The following EVI5L variants were observed in gnomAD, a reference collection of about 807,000 sequenced individuals.
EVI5L encodes EVI5-like protein.
Under a neutral mutation model 106.1 loss-of-function variants are expected in EVI5L, and 30 were observed. The ratio of observed to expected loss-of-function variants is 0.28; its 90% CI spans 0.21 to 0.38. The LOEUF is 0.38. Among genes scored for constraint, EVI5L ranks in the 10% least tolerant of loss-of-function variants. The probability of loss-of-function intolerance (pLI) is 1.00; values close to 1 mark genes in which losing one functional copy is unlikely to be tolerated. For synonymous variants in EVI5L, 489 were observed against 483.3 expected (o/e 1.01, Z -0.15); for missense variants, 809 against 1,098.0 (o/e 0.74, Z 3.72).
intron 17 of EVI5L, 70 bp downstream of exon 17, chr19:7,862,604 C>G: frequency 7.8e-7 from 1 of 1,276,708 alleles, no homozygotes; most frequent in Non-Finnish European, 1.0e-6. Flanking sequence ...GAGGCCCCGC[C>G]CCCAATCCGC....
At position 7,857,818 on chromosome 19, in the gene EVI5L, A is replaced by C; in HGVS notation, c.1234-373A>C. The C allele has an allele frequency of 8.5e-6, 2 of 234,440 alleles. No homozygotes were observed. Among genetic ancestry groups the C allele is most frequent in the Non-Finnish European group, 8.4e-6 (1 of 118,600 alleles). 14.5% of individuals were successfully genotyped at this position (234,440 alleles called of 1,614,324 possible). ...CCCAGCCCTCTCCTGCCGGGGCCTC[A>C]GCTGTCCCCAGATCCTCACCCTCAC... On this transcript the variant is annotated intron_variant, in intron 12 of 19. Transcript: ENST00000538904. The surrounding 1 kb of genome is among the most constrained non-coding windows in gnomAD (Gnocchi z 4.5).
chr19:7,839,652 G>A (rs969659989), intron 1 of EVI5L, among the ~76,000 whole-genome samples: 5 of 152,130 alleles, frequency 3.3e-5, no homozygotes, highest in East Asian at 1.9e-4. Flanking sequence ...GGTGGGGCAC[G>A]GTGGCTCACA....
intron 2 of EVI5L, among the ~76,000 whole-genome samples, chr19:7,847,206 C>T (rs1459359301): frequency 6.6e-6 from 1 of 152,010 alleles, no homozygotes; most frequent in African/African-American, 2.4e-5. Context: ...GCAGGAGAAT[C>T]ACTTGAACCC....
At chr19:7,852,639 C>T (rs1320956346) in intron 8 of EVI5L, among the ~76,000 whole-genome samples, 1 of 152,050 alleles carries the variant, frequency 6.6e-6, no homozygotes, top group Admixed American at 6.6e-5. Flanking sequence ...GCAGCCTCCA[C>T]CTCCTGGGCT....
At chr19:7,851,807 C>T (rs11260037) in intron 8 of EVI5L, 37 bp downstream of exon 8, 140,965 of 1,467,026 alleles carry the variant, frequency 0.096, 9,563 homozygotes, top group South Asian at 0.28. Context: ...GGGCTGCCCC[C>T]AATCAGGGGC....
chr19:7,838,095 G>T lies in EVI5L; in HGVS notation c.-48+7714G>T, dbSNP rs531333322. Among the ~76,000 whole-genome samples the T allele has an allele frequency of 6.9e-4, 103 of 149,280 alleles. 1 individual carries two copies. The highest frequency in any genetic ancestry group is 5.4e-4 in the Admixed American group (8 of 14,906). Reference sequence around the variant, plus strand: ...GGTGTGTTTATTTTTTTTTTGGTTGGTTTTTTTTTGTTTTGTTTTGTTTTG... The same window carrying T: ...GGTGTGTTTATTTTTTTTTTGGTTGTTTTTTTTTTGTTTTGTTTTGTTTTG... On this transcript the variant is annotated intron_variant, in intron 1 of 19. Transcript: ENST00000538904.
intron 15 of EVI5L, 42 bp from the exon 16 acceptor site, chr19:7,862,080 T>G (rs1310253465): frequency 6.5e-7 from 1 of 1,547,004 alleles, no homozygotes. Flanking sequence ...TCGGGGTTCT[T>G]GGGCGGAGGC....
intron 17 of EVI5L, 105 bp from the exon 18 acceptor site, chr19:7,862,867 C>T: frequency 1.3e-6 from 1 of 760,710 alleles, no homozygotes; most frequent in Admixed American, 3.0e-5. Context: ...TGACCCGCCT[C>T]CGCCCGCGGC....
intron 1 of EVI5L, among the ~76,000 whole-genome samples, chr19:7,840,040 T>G (rs1374365324): frequency 3.3e-5 from 5 of 152,090 alleles, no homozygotes; most frequent in African/African-American, 1.2e-4. Context: ...CACCCAGGCC[T>G]GGCCAGAGTG....
chr19:7,850,366 G>C lies in EVI5L; in HGVS notation c.753+244G>C, dbSNP rs576283845. 2.0e-5 allele frequency among the ~76,000 whole-genome samples: 3 copies of C among 152,306 alleles called. No homozygotes were observed. The East Asian group carries it at 5.8e-4, about 29-fold the overall frequency. ...AGGAACAGGAGAGCCACCACTGAAG[G>C]GGGGCTCCCAGGGCTGCTGAGGCAG... On this transcript the variant is annotated intron_variant, in intron 6 of 19. Coordinates refer to ENST00000538904, the MANE Select transcript of EVI5L (RefSeq NM_001159944.3). This position sits in a 1 kb window ranked among gnomAD's most constrained non-coding sequence, Gnocchi z 5.4.
In EVI5L at chr19:7,856,256, G is replaced by A. The variant is rs922056760; in HGVS notation, c.1200+188G>A. Among the ~76,000 whole-genome samples, 6 of 152,110 alleles carry A rather than the reference G, an allele frequency of 3.9e-5. No homozygotes were observed. Among genetic ancestry groups the A allele is most frequent in the Non-Finnish European group, 7.4e-5 (5 of 68,020 alleles). ...AGTGCCCTGCAACTGGGGGCGACTC[G>A]TATGGTGATTAATCCTGGAGTGGGG... is the stretch of plus-strand genomic sequence containing the variant. On this transcript the variant is annotated intron_variant, in intron 11 of 19. Coordinates refer to ENST00000538904, the MANE Select transcript of EVI5L (RefSeq NM_001159944.3). This position sits in a 1 kb window ranked among gnomAD's most constrained non-coding sequence, Gnocchi z 6.6.
At chr19:7,862,088 G>A (rs568215876) in intron 15 of EVI5L, 34 bp from the exon 16 acceptor site, 1 of 1,548,770 alleles carries the variant, frequency 6.5e-7, no homozygotes, top group East Asian at 2.4e-5. Context: ...CTTGGGCGGA[G>A]GCTGACCGCC....
Position 7,847,156 on chromosome 19 carries a change from G to A in EVI5L, c.137+477G>A, listed in dbSNP as rs550338741. 2.0e-5 allele frequency among the ~76,000 whole-genome samples: 3 copies of A among 152,232 alleles called. No homozygotes were observed. In the South Asian group the frequency reaches 6.2e-4, roughly 32 times the overall value. The stretch of plus-strand genomic sequence containing the variant: ...AAAACACAAAAATTAGCTGGGCATG[G>A]TGGTGGGTGCCTGTAATCTCAGCTA... On this transcript the variant is annotated intron_variant, in intron 2 of 19. Coordinates refer to ENST00000538904, the MANE Select transcript of EVI5L (RefSeq NM_001159944.3).
intron 1 of EVI5L, among the ~76,000 whole-genome samples, chr19:7,842,578 T>G (rs1481209658): frequency 1.3e-5 from 2 of 149,332 alleles, no homozygotes; most frequent in Admixed American, 6.7e-5. Flanking sequence ...TGTGTGTGCA[T>G]GTATCAAGCA....
In EVI5L at chr19:7,861,862, C is replaced by T; in HGVS notation, c.1504-16C>T. 3 of 1,550,324 alleles carry T rather than the reference C, an allele frequency of 1.9e-6. No homozygotes were observed. Among genetic ancestry groups the T allele is most frequent in the Non-Finnish European group, 1.7e-6 (2 of 1,147,016 alleles). ...CTGCGCTGCTCCCCCAGGCCCTGAC[C>T]CCACTCTTCCCGCAGAGGAACAGCT... On this transcript the variant is annotated splice_polypyrimidine_tract_variant and intron_variant, in intron 14 of 19. Coordinates refer to ENST00000538904, the MANE Select transcript of EVI5L (RefSeq NM_001159944.3).
chr19:7,835,809 TC>T lies in EVI5L; in HGVS notation c.-48+5432del, dbSNP rs1215627790. Among the ~76,000 whole-genome samples, 1 of 152,126 alleles carries T rather than the reference TC, an allele frequency of 6.6e-6. No homozygotes were observed. The highest frequency in any genetic ancestry group is 1.5e-5 in the Non-Finnish European group (1 of 68,024). On this transcript the variant is annotated intron_variant, in intron 1 of 19. Coordinates refer to ENST00000538904, the MANE Select transcript of EVI5L (RefSeq NM_001159944.3). The surrounding 1 kb of genome is among the most constrained non-coding windows in gnomAD (Gnocchi z 4.1). ...ACCTAAGGTGCTAGGTTGGGCCATT[TC>T]CCCAGAGGTCAGAGCCAGCCAAGAC...
intron 6 of EVI5L, 80 bp from the exon 7 acceptor site, chr19:7,851,354 G>A (rs1599571694): frequency 6.6e-7 from 1 of 1,521,144 alleles, no homozygotes; most frequent in East Asian, 2.3e-5. Flanking sequence ...GCTCCCTGGA[G>A]GCGGGGACAC....
Position 7,862,958 on chromosome 19 carries a change from T to TC in EVI5L, c.1948-9dup. On this transcript the variant is annotated splice_polypyrimidine_tract_variant and intron_variant, in intron 17 of 19. Coordinates refer to ENST00000538904, the MANE Select transcript of EVI5L (RefSeq NM_001159944.3). ...CTGACCCGCCCTCCTTTCCCCCCAA[T>TC]CCCCCGACCCCAGAGCAAGGAGGAG... 1 of 899,356 alleles carries TC rather than the reference T, an allele frequency of 1.1e-6. No individual in the cohort carries two copies. Among genetic ancestry groups the TC allele is most frequent in the East Asian group, 2.8e-5 (1 of 36,092 alleles). The allele number at this position is 899,356 out of a possible 1,614,324, so 55.7% of individuals were successfully genotyped here.
chr19:7,830,677 C>T lies in EVI5L; in HGVS notation c.-48+296C>T, dbSNP rs868190776. On this transcript the variant is annotated intron_variant, in intron 1 of 19. Transcript: ENST00000538904. ...CCCCCGTCCACCCTTTGCAGTGACC[C>T]TCAGGACTCCTCTCCGGGAACCCCC... Among the ~76,000 whole-genome samples, 53 of 148,126 alleles carry T rather than the reference C, an allele frequency of 3.6e-4. No individual in the cohort carries two copies. The Middle Eastern group carries it at 0.01, about 29-fold the overall frequency.
Sources: gnomAD v4.1 joint callset for allele counts (sites outside exome capture counted in the v4.1 genomes callset) on GRCh38, gnomAD v4.1.1 for gene constraint, Gnocchi (gnomAD v3.1) non-coding constraint, MANE v1.5 for transcripts, NCBI Gene and HGNC (gene_info 2026-07-23, HGNC 2026-07-21) for gene names.